The following VRK2 variants were observed in gnomAD, a reference collection of about 807,000 sequenced individuals.
VRK2 encodes the protein serine/threonine-protein kinase VRK2.
In VRK2, 60 loss-of-function variants were observed where a neutral mutation model predicts 57.6. That is an observed-to-expected ratio of 1.04 (90% CI 0.85 to 1.29). The LOEUF is 1.29. Ranked by LOEUF, VRK2 falls within the 50% of genes most tolerant of loss-of-function variation. VRK2 has a pLI of 0.00. For synonymous variants in VRK2, 231 were observed against 199.2 expected (o/e 1.16, Z -1.35); for missense variants, 705 against 588.1 (o/e 1.20, Z -2.06).
intron 1 of VRK2, among the ~76,000 whole-genome samples, chr2:58,002,421 G>A (rs1051252584): frequency 6.6e-6 from 1 of 152,182 alleles, no homozygotes; most frequent in African/African-American, 2.4e-5. Context: ...GATGCAGTGA[G>A]CCAAGACCAT....
intron 2 of VRK2, among the ~76,000 whole-genome samples, chr2:58,052,149 G>C (rs947687577): frequency 1.3e-5 from 2 of 152,140 alleles, no homozygotes; most frequent in Non-Finnish European, 2.9e-5. Context: ...ACCTGATGAA[G>C]CCACTTATTC....
At position 58,048,878 on chromosome 2, in the gene VRK2, C is replaced by A; in HGVS notation, c.47C>A (p.Pro16Gln). 2 of 1,613,916 alleles carry A rather than the reference C, an allele frequency of 1.2e-6. No homozygotes were observed. The highest frequency in any genetic ancestry group is 1.7e-6 in the Non-Finnish European group (2 of 1,179,914). Residue 16 changes from proline (P) to glutamine (Q), a missense_variant, in exon 2 of 13, where the codon CCA (proline) becomes CAA (glutamine). Pro to Gln is a moderately conservative substitution (Grantham distance 76, BLOSUM62 -1). Coordinates refer to ENST00000340157, the MANE Select transcript of VRK2 (RefSeq NM_006296.7). ...NEKYKLPIPF[P>Q]EGKVLDDMEG... Reference sequence around the variant, plus strand: ...AAATACAAACTTCCTATTCCATTTCCAGAAGGCAAGGTTCTGGATGATATG... The same window carrying A: ...AAATACAAACTTCCTATTCCATTTCAAGAAGGCAAGGTTCTGGATGATATG...
At chr2:57,976,840 T>G (rs1479338777) in intron 1 of VRK2, among the ~76,000 whole-genome samples, 2 of 152,150 alleles carry the variant, frequency 1.3e-5, no homozygotes, top group Non-Finnish European at 2.9e-5. Flanking sequence ...TTCCAAAGTT[T>G]TTATAGTTTC....
At position 57,980,902 on chromosome 2, in the gene VRK2, T is replaced by G. The variant is rs559309553; in HGVS notation, c.-438-44763T>G. 8.5e-5 allele frequency among the ~76,000 whole-genome samples: 13 copies of G among 152,282 alleles called. No individual in the cohort carries two copies. In the East Asian group the frequency reaches 1.9e-3, roughly 23 times the overall value. On this transcript the variant is annotated intron_variant, in intron 1 of 15. Transcript: ENST00000417641. The stretch of plus-strand genomic sequence containing the variant: ...TGCTTGATAGATCTTTCTCCATCTC[T>G]TCACTTTGAGCCTATGGGTGTCATT...
At chr2:57,993,519 C>T (rs1366307208) in intron 1 of VRK2, among the ~76,000 whole-genome samples, 1 of 151,632 alleles carries the variant, frequency 6.6e-6, no homozygotes, top group African/African-American at 2.4e-5. Flanking sequence ...TTTTAAAATG[C>T]TAAAAACTTC....
intron 7 of VRK2, among the ~76,000 whole-genome samples, chr2:58,105,068 A>G (rs945255583): frequency 6.6e-6 from 1 of 151,990 alleles, no homozygotes; most frequent in African/African-American, 2.4e-5. Flanking sequence ...CTCAAGATGG[A>G]TTAAAGACCT....
At chr2:58,054,134 G>A (rs1322090400) in intron 2 of VRK2, among the ~76,000 whole-genome samples, 1 of 152,074 alleles carries the variant, frequency 6.6e-6, no homozygotes, top group Non-Finnish European at 1.5e-5. Flanking sequence ...AAATCTGGGT[G>A]TTTAAGAAAG....
chr2:58,060,740 A>G (rs1677203222), intron 2 of VRK2, among the ~76,000 whole-genome samples: 1 of 151,946 alleles, frequency 6.6e-6, no homozygotes, highest in South Asian at 2.1e-4. Flanking sequence ...GAGCAGGGCT[A>G]AAGATTCTTA....
intron 1 of VRK2, among the ~76,000 whole-genome samples, chr2:57,943,430 G>A (rs1332278476): frequency 6.6e-6 from 1 of 152,180 alleles, no homozygotes; most frequent in East Asian, 1.9e-4. Context: ...CAAAATCAGG[G>A]AATGGAATGT....
chr2:58,093,420 A>G (rs1218626007), intron 7 of VRK2, among the ~76,000 whole-genome samples: 16 of 151,940 alleles, frequency 1.1e-4, no homozygotes, highest in Non-Finnish European at 1.9e-4. Flanking sequence ...GCCAGTGATG[A>G]TGAGCATTTT....
At chr2:57,947,604 T>C (rs1219465999) in intron 1 of VRK2, among the ~76,000 whole-genome samples, 3 of 152,186 alleles carry the variant, frequency 2.0e-5, no homozygotes, top group Non-Finnish European at 4.4e-5. Context: ...TTCAATTTCT[T>C]CCTACATATA....
intron 2 of VRK2, among the ~76,000 whole-genome samples, chr2:58,032,193 A>G (rs1184616813): frequency 6.6e-6 from 1 of 152,100 alleles, no homozygotes; most frequent in East Asian, 1.9e-4. Context: ...CTTTTTACTC[A>G]TACTTAATGT....
chr2:58,084,794 A>G, intron 3 of VRK2, 87 bp from the exon 4 acceptor site: 7 of 876,116 alleles, frequency 8.0e-6, no homozygotes, highest in Non-Finnish European at 1.2e-5. Flanking sequence ...TACTACATAT[A>G]TATGTTCATA....
chr2:58,022,604 G>A (rs1172588315), intron 1 of VRK2, among the ~76,000 whole-genome samples: 1 of 152,184 alleles, frequency 6.6e-6, no homozygotes, highest in Non-Finnish European at 1.5e-5. Flanking sequence ...TGCTGCCCAC[G>A]ATGGCTCACG....
upstream of VRK2, among the ~76,000 whole-genome samples, chr2:58,045,486 A>C (rs1047675874): frequency 2.0e-5 from 3 of 152,264 alleles, no homozygotes; most frequent in Admixed American, 6.5e-5. Context: ...CATCTGTTAC[A>C]TAAATATCTG....
intron 1 of VRK2, among the ~76,000 whole-genome samples, chr2:58,023,033 T>A (rs1055260270): frequency 1.3e-5 from 2 of 152,240 alleles, no homozygotes; most frequent in African/African-American, 4.8e-5. Context: ...TTTTGTGGCA[T>A]TATGCACATT....
At chr2:58,087,534 C>A (rs986430836) in intron 5 of VRK2, among the ~76,000 whole-genome samples, 1 of 151,796 alleles carries the variant, frequency 6.6e-6, no homozygotes, top group African/African-American at 2.4e-5. Context: ...TGTATGCATG[C>A]ATAGATATAG....
intron 2 of VRK2, among the ~76,000 whole-genome samples, chr2:58,050,782 C>CTTA (rs1675597064): frequency 6.6e-6 from 1 of 152,110 alleles, no homozygotes; most frequent in Non-Finnish European, 1.5e-5. Flanking sequence ...ATGTGACTTA[C>CTTA]TTGTCCCTAT....
intron 2 of VRK2, among the ~76,000 whole-genome samples, chr2:58,064,344 T>C (rs1668321485): frequency 6.6e-6 from 1 of 152,022 alleles, no homozygotes; most frequent in South Asian, 2.1e-4. Flanking sequence ...TCTTTAGAAA[T>C]TGCCACAGTC....
Sources: gnomAD v4.1 joint callset for allele counts (sites outside exome capture counted in the v4.1 genomes callset) on GRCh38, gnomAD v4.1.1 for gene constraint, MANE v1.5 for transcripts, NCBI Gene and HGNC (gene_info 2026-07-23, HGNC 2026-07-21) for gene names.